Variants in ERICH6 observed in about 807,000 individuals in gnomAD.
The protein encoded by ERICH6 is glutamate-rich protein 6.
In ERICH6, 71 loss-of-function variants were observed where a neutral mutation model predicts 71.0. The observed-to-expected ratio is 1.00, with a 90% confidence interval of 0.83 to 1.22. ERICH6 has a LOEUF of 1.22. ERICH6 is among the 50% of genes most tolerant of loss of function. The pLI, the probability that ERICH6 is intolerant of heterozygous loss-of-function variation, is 0.00. For missense variants in ERICH6, 808 were observed against 797.2 expected (o/e 1.01, Z -0.16); for synonymous variants, 262 against 278.4 (o/e 0.94, Z 0.59).
chr3:150,682,574 C>T (rs563049933), intron 6 of ERICH6, among the ~76,000 whole-genome samples: 1 of 152,276 alleles, frequency 6.6e-6, no homozygotes, highest in African/African-American at 2.4e-5. Context: ...CTTCAGAATG[C>T]CTTCCTGGTA....
intron 2 of ERICH6, among the ~76,000 whole-genome samples, chr3:150,699,288 G>A (rs1158230158): frequency 6.6e-6 from 1 of 152,194 alleles, no homozygotes; most frequent in African/African-American, 2.4e-5. Context: ...TCCAGCTTGG[G>A]AGACAGAGCA....
Position 150,678,449 on chromosome 3 carries a change from A to G in ERICH6, c.1217T>C (p.Met406Thr). The change falls in exon 10 of 14, where the codon ATG becomes ACG. Residue 406 changes from methionine (M) to threonine (T), a missense_variant. Met to Thr is a moderately conservative substitution (Grantham distance 81). This residue lies in a region of ERICH6 where 736 missense variants were observed against 712.2 expected (regional missense o/e 1.03). Coordinates refer to ENST00000295910, the MANE Select transcript of ERICH6 (RefSeq NM_152394.5). Reference sequence around the variant, plus strand: ...CCGAGAATCACAACAAATGATAGACATGTTACTGTTTCTTAGTTGAAAATC... The same window carrying G: ...CCGAGAATCACAACAAATGATAGACGTGTTACTGTTTCTTAGTTGAAAATC... ...VFDFQLRNSN[M>T]SIICCDSRIA... 6.2e-7 allele frequency: 1 copy of G among 1,602,722 alleles called. No individual in the cohort carries two copies. The highest frequency in any genetic ancestry group is 1.1e-5 in the South Asian group (1 of 88,348).
chr3:150,696,422 C>T (rs1360201277), intron 3 of ERICH6, among the ~76,000 whole-genome samples: 1 of 151,904 alleles, frequency 6.6e-6, no homozygotes, highest in Non-Finnish European at 1.5e-5. Flanking sequence ...GTGAGAATCA[C>T]AAGGAAAAGA....
At chr3:150,699,261 T>G (rs554017616) in intron 2 of ERICH6, among the ~76,000 whole-genome samples, 1 of 152,212 alleles carries the variant, frequency 6.6e-6, no homozygotes, top group African/African-American at 2.4e-5. Context: ...CAGTGAGCCG[T>G]GATTGTGCCA....
At chr3:150,672,531 G>C (rs1440757359) in intron 11 of ERICH6, among the ~76,000 whole-genome samples, 1 of 151,962 alleles carries the variant, frequency 6.6e-6, no homozygotes, top group East Asian at 1.9e-4. Flanking sequence ...CTGGGAGGTG[G>C]AGGTTGCAGT....
At chr3:150,675,747 T>C (rs961926480) in intron 10 of ERICH6, among the ~76,000 whole-genome samples, 1 of 152,044 alleles carries the variant, frequency 6.6e-6, no homozygotes, top group Non-Finnish European at 1.5e-5. Context: ...CCATTGCCTT[T>C]GAGCCTCTAT....
At chr3:150,674,130 C>T (rs759748995) in intron 10 of ERICH6, 89 bp from the exon 11 acceptor site, 14 of 1,004,852 alleles carry the variant, frequency 1.4e-5, no homozygotes, top group Non-Finnish European at 2.1e-5. Flanking sequence ...GGTTACTAGA[C>T]AGTCATACAA....
chr3:150,669,164 T>G, intron 12 of ERICH6, 132 bp downstream of exon 12: 1 of 975,028 alleles, frequency 1.0e-6, no homozygotes, highest in Non-Finnish European at 1.4e-6. Flanking sequence ...GTCTCTGAGT[T>G]GAACATTACC....
At position 150,666,867 on chromosome 3, in the gene ERICH6, T is replaced by G. The variant is rs148079036; in HGVS notation, c.1648A>C (p.Ile550Leu). The change falls in exon 13 of 14, where the codon ATC becomes CTC. Residue 550 changes from isoleucine to leucine, a missense_variant. Around this residue, in one of 3 missense-constraint regions of ERICH6, gnomAD observed 736 missense variants for 712.2 expected, o/e 1.03. Coordinates refer to ENST00000295910, the MANE Select transcript of ERICH6 (RefSeq NM_152394.5). ...LALNRYIGVR[I>L]LEQDKISITF... ...ATAGAAATCTTGTCTTGTTCTAAGATGCGGACTCCAATATAACGGTTCAAA... is the reference window on the plus strand; with the variant it reads ...ATAGAAATCTTGTCTTGTTCTAAGAGGCGGACTCCAATATAACGGTTCAAA... The G allele has an allele frequency of 2.4e-5, 39 of 1,614,084 alleles. No individual in the cohort carries two copies. The highest frequency in any genetic ancestry group is 2.8e-5 in the Non-Finnish European group (33 of 1,180,048).
At chr3:150,676,817 A>G (rs1252262089) in intron 10 of ERICH6, among the ~76,000 whole-genome samples, 1 of 150,892 alleles carries the variant, frequency 6.6e-6, no homozygotes, top group Non-Finnish European at 1.5e-5. Flanking sequence ...ATTAAAAAAA[A>G]ATTTTTTTTT....
chr3:150,682,882 TCAGGACAGGGAG>T (rs1430844278), intron 6 of ERICH6, among the ~76,000 whole-genome samples: 4 of 152,080 alleles, frequency 2.6e-5, no homozygotes, highest in African/African-American at 9.7e-5. Context: ...TGAAGGTAAT[TCAGGACAGGGAG>T]GAGGAGGGGA....
chr3:150,665,800 C>T (rs538891656), intron 13 of ERICH6, among the ~76,000 whole-genome samples: 3 of 145,858 alleles, frequency 2.1e-5, no homozygotes, highest in Non-Finnish European at 4.5e-5. Flanking sequence ...TGTACTCCAG[C>T]CTGGAAGACA....
intron 11 of ERICH6, among the ~76,000 whole-genome samples, chr3:150,670,481 CAAAA>C (rs542493653): frequency 4.4e-5 from 2 of 45,188 alleles, no homozygotes; most frequent in South Asian, 7.7e-4. Flanking sequence ...GACTCCATCT[CAAAA>C]AAAAAAAAAA....
At chr3:150,695,073 CA>C (rs1326683269) in intron 3 of ERICH6, among the ~76,000 whole-genome samples, 2 of 152,184 alleles carry the variant, frequency 1.3e-5, no homozygotes, top group East Asian at 3.8e-4. Flanking sequence ...TAATTATCTC[CA>C]AAAGGCTCCA....
intron 3 of ERICH6, among the ~76,000 whole-genome samples, chr3:150,696,078 G>A (rs1222769569): frequency 6.6e-6 from 1 of 151,658 alleles, no homozygotes; most frequent in Non-Finnish European, 1.5e-5. Flanking sequence ...GTGTGATATT[G>A]GTATAGGAAA....
chr3:150,699,703 A>G (rs1712786232), intron 2 of ERICH6, among the ~76,000 whole-genome samples: 1 of 148,768 alleles, frequency 6.7e-6, no homozygotes, highest in East Asian at 2.0e-4. Flanking sequence ...ATTAGAACAA[A>G]GCCCTCAAAG....
At position 150,678,528 on chromosome 3, in the gene ERICH6, A is replaced by G; in HGVS notation, c.1138T>C (p.Tyr380His). ...TCTGGAATATCCACAGAAAGTTGATAAGAAATTGTTTTTAAGCGCTTTGAA... is the reference window on the plus strand; with the variant it reads ...TCTGGAATATCCACAGAAAGTTGATGAGAAATTGTTTTTAAGCGCTTTGAA... ...DDSKRLKTIS[Y>H]QLSVDIPEKQ... Residue 380 changes from tyrosine to histidine, a missense_variant, in exon 10 of 14, where the codon TAT becomes CAT. Physicochemically the swap from Tyr to His is moderately conservative, Grantham distance 83. Coordinates refer to ENST00000295910, the MANE Select transcript of ERICH6 (RefSeq NM_152394.5). The G allele has an allele frequency of 1.2e-6, 2 of 1,601,440 alleles. No individual in the cohort carries two copies. Among genetic ancestry groups the G allele is most frequent in the Non-Finnish European group, 1.7e-6 (2 of 1,176,988 alleles).
intron 12 of ERICH6, among the ~76,000 whole-genome samples, chr3:150,668,283 A>G (rs1727489942): frequency 6.6e-6 from 1 of 152,160 alleles, no homozygotes; most frequent in Non-Finnish European, 1.5e-5. Flanking sequence ...ATGTCTGTCA[A>G]GTAAGGGAAA....
intron 12 of ERICH6, 57 bp downstream of exon 12, chr3:150,669,236 AAAC>A: frequency 6.6e-7 from 1 of 1,514,486 alleles, no homozygotes. Flanking sequence ...TAAAAAGAAA[AAAC>A]AAAATTTCCC....
Sources: allele counts gnomAD v4.1 joint callset (sites outside exome capture counted in the v4.1 genomes callset), GRCh38; gene constraint gnomAD v4.1.1; regional missense constraint gnomAD v4.1.1; transcripts MANE v1.5; gene names NCBI Gene and HGNC (gene_info 2026-07-23, HGNC 2026-07-21).